The following NAALADL2 variants were observed in gnomAD, a reference collection of about 807,000 sequenced individuals.
NAALADL2 encodes N-acetylated alpha-linked acidic dipeptidase like 2.
NAALADL2 carries 76 observed loss-of-function variants against 87.2 expected under a neutral mutation model. The observed-to-expected ratio is 0.87, with a 90% CI of 0.72 to 1.05. NAALADL2 has a LOEUF of 1.05. Among genes scored for constraint, NAALADL2 ranks in the 50% least tolerant of loss-of-function variants. NAALADL2 has a pLI of 0.00. For missense variants in NAALADL2, 1,089 were observed against 945.8 expected, an observed-to-expected ratio of 1.15 and a Z score of -1.99; for synonymous variants, 354 against 331.0, an observed-to-expected ratio of 1.07 and a Z score of -0.75.
At chr3:175,740,563 A>T (rs958300757) in intron 12 of NAALADL2, among the ~76,000 whole-genome samples, 11 of 152,240 alleles carry the variant, frequency 7.2e-5, no homozygotes, top group African/African-American at 2.7e-4. Flanking sequence ...GTGTTCTAAT[A>T]TCACAATATC....
At chr3:175,586,684 C>T (rs1036774545) in intron 10 of NAALADL2, among the ~76,000 whole-genome samples, 1 of 151,994 alleles carries the variant, frequency 6.6e-6, no homozygotes, top group Admixed American at 6.6e-5. Context: ...TTTCCTAAAC[C>T]AGTACTTTGT....
chr3:175,630,412 G>A (rs1386703968), intron 11 of NAALADL2, among the ~76,000 whole-genome samples: 1 of 151,634 alleles, frequency 6.6e-6, no homozygotes, highest in Non-Finnish European at 1.5e-5. Flanking sequence ...GGTTGAAATA[G>A]ATGATGTATA....
At chr3:175,699,062 C>T (rs1337899172) in intron 11 of NAALADL2, among the ~76,000 whole-genome samples, 1 of 151,834 alleles carries the variant, frequency 6.6e-6, no homozygotes, top group African/African-American at 2.4e-5. Flanking sequence ...AGTACTTTTC[C>T]TTTACATATT....
At chr3:175,142,482 G>A (rs913663541) in intron 2 of NAALADL2, among the ~76,000 whole-genome samples, 8 of 151,958 alleles carry the variant, frequency 5.3e-5, no homozygotes, top group Non-Finnish European at 1.2e-4. Flanking sequence ...TTTTACAAAT[G>A]AGAAAACGTA....
chr3:174,671,048 G>A (rs1166949417), intron 2 of NAALADL2, among the ~76,000 whole-genome samples: 21 of 152,022 alleles, frequency 1.4e-4, no homozygotes, highest in Admixed American at 1.4e-3. Flanking sequence ...TCTGCTTTCT[G>A]CCATGATTGT....
chr3:174,896,423 T>C (rs1352873510), intron 1 of NAALADL2, among the ~76,000 whole-genome samples: 1 of 152,090 alleles, frequency 6.6e-6, no homozygotes, highest in South Asian at 2.1e-4. Flanking sequence ...CCATTTACAA[T>C]AGCCACACAT....
intron 9 of NAALADL2, among the ~76,000 whole-genome samples, chr3:175,480,407 T>C (rs1726285669): frequency 1.3e-5 from 2 of 151,882 alleles, no homozygotes; most frequent in Non-Finnish European, 2.9e-5. Context: ...TTGTCTTCTG[T>C]AATCAATGGT....
rs533502345 is a variant in NAALADL2 at position 175,704,510 on chromosome 3, G to A, written c.1897-32796G>A. On this transcript the variant is annotated intron_variant, in intron 11 of 13. Transcript: ENST00000454872. ...CCAGCACAATAAAAATATGAACCAG[G>A]AAGCTAAGTAAAGTTTTGTTTTGTT... Among the ~76,000 whole-genome samples, 20 of 152,200 alleles carry A rather than the reference G, an allele frequency of 1.3e-4. No homozygotes were observed. In the South Asian group the frequency reaches 4.1e-3, roughly 31 times the overall value.
At chr3:175,749,524 T>C (rs1746366893) in intron 12 of NAALADL2, among the ~76,000 whole-genome samples, 1 of 151,992 alleles carries the variant, frequency 6.6e-6, no homozygotes, top group Non-Finnish European at 1.5e-5. Context: ...AGGGGAACAC[T>C]GTTTCCAACA....
chr3:175,001,032 T>A (rs555323264), intron 1 of NAALADL2, among the ~76,000 whole-genome samples: 1 of 152,286 alleles, frequency 6.6e-6, no homozygotes, highest in South Asian at 2.1e-4. Flanking sequence ...GGGTGGCCAA[T>A]TAACCTGTCA....
intron 2 of NAALADL2, among the ~76,000 whole-genome samples, chr3:175,179,492 A>G (rs1440549197): frequency 6.6e-6 from 1 of 152,026 alleles, no homozygotes; most frequent in Non-Finnish European, 1.5e-5. Context: ...AGAAGGAACA[A>G]GTAGCCTATG....
intron 1 of NAALADL2, among the ~76,000 whole-genome samples, chr3:174,476,332 A>G (rs1213043763): frequency 1.3e-5 from 2 of 151,612 alleles, no homozygotes; most frequent in Admixed American, 6.6e-5. Flanking sequence ...GGAATAAACT[A>G]TCAAAGAACT....
intron 1 of NAALADL2, among the ~76,000 whole-genome samples, chr3:175,050,901 G>GA (rs1304406320): frequency 6.6e-6 from 1 of 152,068 alleles, no homozygotes; most frequent in Non-Finnish European, 1.5e-5. Context: ...TCGATAAGAT[G>GA]AAAAAACTAG....
chr3:174,652,657 G>A (rs1724492966), intron 2 of NAALADL2, among the ~76,000 whole-genome samples: 1 of 152,100 alleles, frequency 6.6e-6, no homozygotes. Context: ...CACAACACAT[G>A]GGGATTATGG....
At chr3:175,413,982 C>T (rs1330893681) in intron 5 of NAALADL2, among the ~76,000 whole-genome samples, 3 of 152,126 alleles carry the variant, frequency 2.0e-5, no homozygotes, top group African/African-American at 7.2e-5. Context: ...CCGTCTTCTA[C>T]CCAGTGTTTC....
intron 2 of NAALADL2, among the ~76,000 whole-genome samples, chr3:174,629,229 A>G (rs532705468): frequency 6.6e-6 from 1 of 152,274 alleles, no homozygotes; most frequent in Non-Finnish European, 1.5e-5. Flanking sequence ...AGAAACATAG[A>G]AGAGTTGTTT....
chr3:174,768,577 A>C (rs1714144609), intron 3 of NAALADL2, among the ~76,000 whole-genome samples: 1 of 152,212 alleles, frequency 6.6e-6, no homozygotes, highest in African/African-American at 2.4e-5. Flanking sequence ...TTGGAGATAC[A>C]TTTAGTAGTT....
intron 2 of NAALADL2, among the ~76,000 whole-genome samples, chr3:174,613,317 A>T (rs764535936): frequency 6.6e-6 from 1 of 152,208 alleles, no homozygotes; most frequent in Non-Finnish European, 1.5e-5. Flanking sequence ...GGGGCTGTAC[A>T]GTTAGCAGAT....
chr3:175,240,060 G>A (rs1358978054), intron 3 of NAALADL2, among the ~76,000 whole-genome samples: 1 of 150,224 alleles, frequency 6.7e-6, no homozygotes, highest in African/African-American at 2.5e-5. Context: ...TAATCTTTCT[G>A]TCTTCTCTTT....
Sources: allele counts gnomAD v4.1 joint callset (sites outside exome capture counted in the v4.1 genomes callset), GRCh38; gene constraint gnomAD v4.1.1; transcripts MANE v1.5; gene names NCBI Gene and HGNC (gene_info 2026-07-23, HGNC 2026-07-21).